LDLRAD4: variants seen among roughly 807,000 people sequenced by gnomAD.
LDLRAD4 encodes low density lipoprotein receptor class A domain containing 4, also known as low-density lipoprotein receptor class A domain-containing protein 4.
Under a neutral mutation model 17.0 loss-of-function variants are expected in LDLRAD4, and 5 were observed. That is an observed-to-expected ratio of 0.29 (90% CI 0.15 to 0.62). The LOEUF (loss-of-function observed/expected upper bound fraction) is 0.62. Ranked by LOEUF, LDLRAD4 falls within the 20% of genes least tolerant of loss-of-function variation. The pLI is 0.84. For missense variants in LDLRAD4, 340 were observed against 424.7 expected (o/e 0.80, Z 1.75); for synonymous variants, 168 against 171.8 (o/e 0.98, Z 0.17).
At position 13,586,406 on chromosome 18, in the gene LDLRAD4, C is replaced by CA. The variant is rs58036819; in HGVS notation, c.182-34696dup. On this transcript the variant is annotated intron_variant, in intron 3 of 5. Transcript: ENST00000359446. ...TGGGTGACAGAGCAAGACTCTGTCT[C>CA]AAAAAAAAAAAAAAAGAATAGAAAC... Among the ~76,000 whole-genome samples the CA allele has an allele frequency of 6.7e-3, 235 of 35,104 alleles. 26 individuals carry two copies. The highest frequency in any genetic ancestry group is 0.019 in the Middle Eastern group (1 of 52). 23.0% of individuals were successfully genotyped at this position (35,104 alleles called of 152,430 possible).
chr18:13,572,089 T>C (rs894640186), intron 3 of LDLRAD4, among the ~76,000 whole-genome samples: 1 of 152,202 alleles, frequency 6.6e-6, no homozygotes, highest in Non-Finnish European at 1.5e-5. Context: ...AAATGACATG[T>C]GACAAAATCA....
At chr18:13,307,262 G>GC (rs1171906316) in intron 1 of LDLRAD4, among the ~76,000 whole-genome samples, 7 of 152,182 alleles carry the variant, frequency 4.6e-5, no homozygotes, top group Admixed American at 1.3e-4. Flanking sequence ...TTCTGTCTCT[G>GC]CCCCGCCTGA....
intron 1 of LDLRAD4, among the ~76,000 whole-genome samples, chr18:13,311,152 G>A (rs556510763): frequency 6.6e-6 from 1 of 152,230 alleles, no homozygotes; most frequent in Non-Finnish European, 1.5e-5. Context: ...TGTCCATTCA[G>A]CTGTTGAGTC....
At chr18:13,514,984 T>TA (rs2147534926) in intron 3 of LDLRAD4, 1 of 124,718 alleles carries the variant, frequency 8.0e-6, no homozygotes, top group Admixed American at 8.5e-5. Context: ...ACCCCCACAT[T>TA]ACCACTGTGG....
intron 3 of LDLRAD4, among the ~76,000 whole-genome samples, chr18:13,558,298 C>A (rs770645300): frequency 3.3e-5 from 5 of 152,228 alleles, no homozygotes; most frequent in Non-Finnish European, 7.3e-5. Flanking sequence ...TCTGAAGACA[C>A]ATCCCTGGGG....
chr18:13,412,289 A>G (rs1415902846), intron 2 of LDLRAD4, among the ~76,000 whole-genome samples: 3 of 152,156 alleles, frequency 2.0e-5, no homozygotes, highest in Admixed American at 6.5e-5. Flanking sequence ...ACTGCCTACT[A>G]TTCCTAGAGC....
chr18:13,479,995 C>T (rs1196898080), intron 3 of LDLRAD4, among the ~76,000 whole-genome samples: 2 of 152,202 alleles, frequency 1.3e-5, no homozygotes, highest in African/African-American at 4.8e-5. Context: ...ACATTGGAAA[C>T]AGTTTGACGG....
intron 3 of LDLRAD4, among the ~76,000 whole-genome samples, chr18:13,540,757 A>G (rs2094269108): frequency 6.6e-6 from 1 of 152,260 alleles, no homozygotes. Context: ...ACAGCGTGTC[A>G]GAAGCAAGAT....
In LDLRAD4 at chr18:13,380,062, G is replaced by A. The variant is rs373080775; in HGVS notation, c.-382-7279G>A. 2.1e-4 allele frequency among the ~76,000 whole-genome samples: 32 copies of A among 151,026 alleles called. 1 individual carries two copies. The East Asian group carries it at 6.2e-3, about 29-fold the overall frequency. On this transcript the variant is annotated intron_variant, in intron 1 of 5. Transcript: ENST00000359446. ...GGGAGCAGAACCTCTACGGGGGTGG[G>A]GCTGGGTTGGGAGGGGCATTGCCGC...
chr18:13,259,474 C>A (rs1360734970), intron 1 of LDLRAD4, among the ~76,000 whole-genome samples: 1 of 152,166 alleles, frequency 6.6e-6, no homozygotes, highest in Non-Finnish European at 1.5e-5. Flanking sequence ...CTGAACCCAG[C>A]CCTCCTAATT....
intron 1 of LDLRAD4, among the ~76,000 whole-genome samples, chr18:13,223,682 C>T (rs2041592766): frequency 6.6e-6 from 1 of 152,196 alleles, no homozygotes; most frequent in Non-Finnish European, 1.5e-5. Flanking sequence ...GGCACGTGGG[C>T]AGATAATAAT....
intron 1 of LDLRAD4, among the ~76,000 whole-genome samples, chr18:13,299,889 A>G (rs998544054): frequency 6.6e-6 from 1 of 152,054 alleles, no homozygotes; most frequent in African/African-American, 2.4e-5. Flanking sequence ...TGACTTCTAC[A>G]TGGCTGCTGG....
intron 3 of LDLRAD4, among the ~76,000 whole-genome samples, chr18:13,582,163 A>C (rs975843752): frequency 2.6e-5 from 4 of 152,188 alleles, no homozygotes; most frequent in Non-Finnish European, 5.9e-5. Flanking sequence ...TTATGCCAAA[A>C]ATGAGGGAAA....
chr18:13,423,649 G>A (rs1257011763), intron 2 of LDLRAD4: 3 of 152,626 alleles, frequency 2.0e-5, no homozygotes, highest in African/African-American at 7.2e-5. Flanking sequence ...GACCTCTGGA[G>A]TGAATTTTTC....
chr18:13,554,522 G>A (rs756759062), intron 3 of LDLRAD4, among the ~76,000 whole-genome samples: 1 of 152,004 alleles, frequency 6.6e-6, no homozygotes, highest in Non-Finnish European at 1.5e-5. Context: ...TGTTGCATGT[G>A]TAGACGGCAT....
chr18:13,247,774 G>A (rs1051302263), intron 1 of LDLRAD4, among the ~76,000 whole-genome samples: 1 of 152,060 alleles, frequency 6.6e-6, no homozygotes, highest in Non-Finnish European at 1.5e-5. Flanking sequence ...TACTGTAAGC[G>A]CCTGTGCTTA....
intron 3 of LDLRAD4, among the ~76,000 whole-genome samples, chr18:13,596,996 T>G (rs2095103860): frequency 6.6e-6 from 1 of 152,216 alleles, no homozygotes; most frequent in Admixed American, 6.5e-5. Context: ...TTTATCATTA[T>G]GCAGTTATCT....
chr18:13,443,168 A>G (rs1453527866), intron 3 of LDLRAD4, among the ~76,000 whole-genome samples: 1 of 152,190 alleles, frequency 6.6e-6, no homozygotes, highest in Non-Finnish European at 1.5e-5. Flanking sequence ...AATAACAACC[A>G]AATAAAATAA....
intron 3 of LDLRAD4, among the ~76,000 whole-genome samples, chr18:13,586,040 A>G (rs913680583): frequency 6.6e-6 from 1 of 152,194 alleles, no homozygotes; most frequent in African/African-American, 2.4e-5. Flanking sequence ...GGAGTGAATG[A>G]AAGTTGAAGA....
Sources: gnomAD v4.1 joint callset for allele counts (sites outside exome capture counted in the v4.1 genomes callset) on GRCh38, gnomAD v4.1.1 for gene constraint, MANE v1.5 for transcripts, NCBI Gene and HGNC (gene_info 2026-07-23, HGNC 2026-07-21) for gene names.